Variants in EGFR observed in about 807,000 individuals in gnomAD.
EGFR encodes the protein avian erythroblastic leukemia viral (v-erb-b) oncogene homolog.
EGFR carries 58 observed loss-of-function variants against 143.0 expected under a neutral mutation model. That is an observed-to-expected ratio of 0.41 (90% CI 0.33 to 0.50). The LOEUF (loss-of-function observed/expected upper bound fraction) is 0.50. Among genes scored for constraint, EGFR ranks in the 20% least tolerant of loss-of-function variants. EGFR has a pLI of 0.39. For missense variants in EGFR, 1,307 were observed against 1,579.0 expected, an observed-to-expected ratio of 0.83 and a Z score of 2.92; for synonymous variants, 613 against 594.4, an observed-to-expected ratio of 1.03 and a Z score of -0.45.
intron 1 of EGFR, among the ~76,000 whole-genome samples, chr7:55,049,833 T>C (rs1478728160): frequency 1.3e-5 from 2 of 152,178 alleles, no homozygotes; most frequent in Non-Finnish European, 2.9e-5. Flanking sequence ...TTAAAATTGG[T>C]CCCTGATCTA....
intron 1 of EGFR, among the ~76,000 whole-genome samples, chr7:55,055,981 C>T (rs1432544826): frequency 2.0e-5 from 3 of 152,044 alleles, no homozygotes; most frequent in East Asian, 1.9e-4. Context: ...ATTGGGTTGG[C>T]GGGTCCATCT....
chr7:55,150,302 A>T (rs1273246848), intron 4 of EGFR, among the ~76,000 whole-genome samples: 1 of 152,204 alleles, frequency 6.6e-6, no homozygotes, highest in African/African-American at 2.4e-5. Flanking sequence ...CCTCTGTTGC[A>T]GTCTCTCTGC....
chr7:55,021,432 A>G (rs1035843987), intron 1 of EGFR, among the ~76,000 whole-genome samples: 3 of 152,224 alleles, frequency 2.0e-5, no homozygotes, highest in Non-Finnish European at 4.4e-5. Context: ...TTGTTTGAAC[A>G]CCACTATTAG....
intron 1 of EGFR, among the ~76,000 whole-genome samples, chr7:55,061,310 G>A (rs1425770962): frequency 6.6e-6 from 1 of 152,174 alleles, no homozygotes; most frequent in Non-Finnish European, 1.5e-5. Flanking sequence ...GCCCACCCAC[G>A]AGAAGGAAAG....
At chr7:55,159,167 T>C (rs1415239309) in intron 11 of EGFR, among the ~76,000 whole-genome samples, 1 of 152,124 alleles carries the variant, frequency 6.6e-6, no homozygotes, top group East Asian at 1.9e-4. Flanking sequence ...ATCATCGTGG[T>C]CCTGTAGGGG....
At chr7:55,204,994 C>T (rs1484456245) in intron 27 of EGFR, among the ~76,000 whole-genome samples, 3 of 152,042 alleles carry the variant, frequency 2.0e-5, no homozygotes, top group African/African-American at 7.3e-5. Context: ...TACACATACA[C>T]ACACACATAC....
chr7:55,154,116 T>C lies in EGFR; in HGVS notation c.853T>C (p.Tyr285His), dbSNP rs776146284. Residue 285 changes from tyrosine to histidine, a missense_variant, in exon 7 of 28, where the codon TAC becomes CAC. Physicochemically the swap from Tyr to His is moderately conservative, Grantham distance 83. Transcript: ENST00000275493. ...GATGGATGTGAACCCCGAGGGCAAATACAGCTTTGGTGCCACCTGCGTGAA... is the reference window on the plus strand; with the variant it reads ...GATGGATGTGAACCCCGAGGGCAAACACAGCTTTGGTGCCACCTGCGTGAA... ...YQMDVNPEGK[Y>H]SFGATCVKKC... 1 of 1,614,204 alleles carries C rather than the reference T, an allele frequency of 6.2e-7. No individual in the cohort carries two copies. The highest frequency in any genetic ancestry group is 8.5e-7 in the Non-Finnish European group (1 of 1,180,040).
At chr7:55,087,853 C>G (rs746521693) in intron 1 of EGFR, among the ~76,000 whole-genome samples, 12 of 152,172 alleles carry the variant, frequency 7.9e-5, no homozygotes. Flanking sequence ...CCCACCCTCC[C>G]TCGTCCTCTC....
intron 1 of EGFR, among the ~76,000 whole-genome samples, chr7:55,112,436 CAG>C (rs1792564041): frequency 6.6e-6 from 1 of 152,230 alleles, no homozygotes; most frequent in Non-Finnish European, 1.5e-5. Context: ...TCAAAACAAA[CAG>C]ATGATTAGCT....
At chr7:55,198,924 A>G (rs1787734498) in intron 23 of EGFR, 61 bp downstream of exon 23, 6 of 1,607,332 alleles carry the variant, frequency 3.7e-6, no homozygotes, top group Middle Eastern at 3.3e-4. Flanking sequence ...GCTCTTAGCC[A>G]AACAGCTGAG....
chr7:55,148,455 G>A (rs1008708734), intron 4 of EGFR, among the ~76,000 whole-genome samples: 1 of 151,484 alleles, frequency 6.6e-6, no homozygotes, highest in African/African-American at 2.4e-5. Flanking sequence ...AATACTACAG[G>A]GCATTGAACT....
chr7:55,203,338 C>G (rs563952003), intron 27 of EGFR, among the ~76,000 whole-genome samples: 39 of 146,598 alleles, frequency 2.7e-4, no homozygotes, highest in Non-Finnish European at 4.9e-4. Context: ...CACACGTATA[C>G]ACACATATAT....
intron 1 of EGFR, among the ~76,000 whole-genome samples, chr7:55,038,069 T>C (rs1410844684): frequency 6.6e-6 from 1 of 151,238 alleles, no homozygotes; most frequent in African/African-American, 2.4e-5. Context: ...TAGGGGGAGG[T>C]TTTTCAAAAC....
intron 1 of EGFR, among the ~76,000 whole-genome samples, chr7:55,080,983 C>T (rs1790434370): frequency 6.6e-6 from 1 of 152,092 alleles, no homozygotes; most frequent in Admixed American, 6.5e-5. Flanking sequence ...ATAAAGCTTC[C>T]TTTTGGCCAC....
chr7:55,148,715 G>A (rs982292233), intron 4 of EGFR, among the ~76,000 whole-genome samples: 3 of 152,130 alleles, frequency 2.0e-5, no homozygotes, highest in Non-Finnish European at 4.4e-5. Flanking sequence ...ATTCACCATC[G>A]ACCTGATACC....
chr7:55,109,429 G>C (rs927260261), intron 1 of EGFR, among the ~76,000 whole-genome samples: 1 of 152,222 alleles, frequency 6.6e-6, no homozygotes, highest in Non-Finnish European at 1.5e-5. Flanking sequence ...TTTGGCCCTT[G>C]AGGTGTGGCC....
chr7:55,063,998 G>A (rs1221869666), intron 1 of EGFR, among the ~76,000 whole-genome samples: 1 of 151,228 alleles, frequency 6.6e-6, no homozygotes, highest in Non-Finnish European at 1.5e-5. Context: ...ATAAAGTCTT[G>A]TAGATTTATT....
intron 1 of EGFR, among the ~76,000 whole-genome samples, chr7:55,059,908 G>C (rs769334821): frequency 1.3e-5 from 2 of 151,928 alleles, no homozygotes; most frequent in African/African-American, 4.8e-5. Flanking sequence ...CCCAGATAAG[G>C]GCTGGGTGGA....
At chr7:55,153,976 C>A in intron 6 of EGFR, 35 bp from the exon 7 acceptor site, 7 of 1,614,138 alleles carry the variant, frequency 4.3e-6, no homozygotes, top group Non-Finnish European at 5.9e-6. Flanking sequence ...AGTGTACTTA[C>A]CTCACTTGCC....
Sources: gnomAD v4.1 joint callset for allele counts (sites outside exome capture counted in the v4.1 genomes callset) on GRCh38, gnomAD v4.1.1 for gene constraint, MANE v1.5 for transcripts, NCBI Gene and HGNC (gene_info 2026-07-23, HGNC 2026-07-21) for gene names.